Variants in ZCWPW2 observed in about 807,000 individuals in gnomAD.
ZCWPW2 encodes the protein zinc finger CW-type PWWP domain protein 2.
ZCWPW2 carries 45 observed loss-of-function variants against 46.6 expected under a neutral mutation model. The observed-to-expected ratio is 0.96, with a 90% CI of 0.76 to 1.24. The LOEUF is 1.24. Among genes scored for constraint, ZCWPW2 ranks in the 50% most tolerant of loss-of-function variants. The pLI, the probability that ZCWPW2 is intolerant of heterozygous loss-of-function variation, is 0.00. For synonymous variants in ZCWPW2, 152 were observed against 137.1 expected (o/e 1.11, Z -0.76); for missense variants, 429 against 403.9 (o/e 1.06, Z -0.53).
intron 4 of ZCWPW2, among the ~76,000 whole-genome samples, chr3:28,464,101 G>T (rs779365284): frequency 1.3e-5 from 2 of 152,060 alleles, no homozygotes; most frequent in Non-Finnish European, 2.9e-5. Context: ...TTTACCTCAT[G>T]TGTAGTACAA....
At chr3:28,388,138 A>C (rs752752421) in intron 1 of ZCWPW2, among the ~76,000 whole-genome samples, 4 of 152,114 alleles carry the variant, frequency 2.6e-5, no homozygotes, top group Non-Finnish European at 5.9e-5. Context: ...TCTTTTATTA[A>C]GGTCTTCAAC....
At chr3:28,483,532 C>T (rs1325109002) in intron 5 of ZCWPW2, among the ~76,000 whole-genome samples, 1 of 152,080 alleles carries the variant, frequency 6.6e-6, no homozygotes, top group African/African-American at 2.4e-5. Context: ...AACTTGCTAG[C>T]ATTTTTATTG....
At chr3:28,371,854 C>A (rs1051023087) in intron 1 of ZCWPW2, among the ~76,000 whole-genome samples, 1 of 151,982 alleles carries the variant, frequency 6.6e-6, no homozygotes, top group Admixed American at 6.6e-5. Flanking sequence ...CTTAGAGGAG[C>A]CTGATTAAAG....
intron 6 of ZCWPW2, chr3:28,510,958 A>G: frequency 2.4e-6 from 1 of 422,948 alleles, no homozygotes; most frequent in South Asian, 1.7e-5. Context: ...CACTAAGGGA[A>G]CCAGATTGAG....
intron 6 of ZCWPW2, among the ~76,000 whole-genome samples, chr3:28,496,476 C>T (rs1231094377): frequency 1.3e-5 from 2 of 151,940 alleles, no homozygotes; most frequent in Non-Finnish European, 2.9e-5. Context: ...AGTTAAGGAA[C>T]TTACTCTAGC....
At chr3:28,466,034 A>G (rs1698808694) in intron 4 of ZCWPW2, among the ~76,000 whole-genome samples, 1 of 152,190 alleles carries the variant, frequency 6.6e-6, no homozygotes, top group South Asian at 2.1e-4. Flanking sequence ...AGCAATATAG[A>G]TGGAGTCAGA....
chr3:28,425,909 AGACCAACCT>A (rs1325050430), intron 3 of ZCWPW2, among the ~76,000 whole-genome samples: 9 of 152,120 alleles, frequency 5.9e-5, no homozygotes, highest in Non-Finnish European at 1.3e-4. Context: ...TGGGAGTTCG[AGACCAACCT>A]GACCAACATG....
At chr3:28,456,130 C>G (rs2125784110) in intron 4 of ZCWPW2, among the ~76,000 whole-genome samples, 1 of 152,196 alleles carries the variant, frequency 6.6e-6, no homozygotes, top group African/African-American at 2.4e-5. Flanking sequence ...GGATGTGTTT[C>G]TATTTGTTTC....
intron 4 of ZCWPW2, among the ~76,000 whole-genome samples, chr3:28,445,444 T>A (rs920280695): frequency 6.6e-6 from 1 of 152,106 alleles, no homozygotes; most frequent in Non-Finnish European, 1.5e-5. Flanking sequence ...GGGAGCAGAA[T>A]TTGTGTATGT....
chr3:28,362,276 A>G (rs957036255), intron 1 of ZCWPW2, among the ~76,000 whole-genome samples: 1 of 151,888 alleles, frequency 6.6e-6, no homozygotes, highest in Non-Finnish European at 1.5e-5. Context: ...CTGTACACTT[A>G]AAATTTTTAA....
chr3:28,473,609 G>C (rs1699119942), intron 4 of ZCWPW2, among the ~76,000 whole-genome samples: 1 of 152,144 alleles, frequency 6.6e-6, no homozygotes, highest in Non-Finnish European at 1.5e-5. Context: ...TGTTCACAGT[G>C]GCCAAGATTT....
rs1043892548 is a variant in ZCWPW2, at chr3:28,453,843, T to A, written c.492+18574T>A. Among the ~76,000 whole-genome samples the A allele has an allele frequency of 2.3e-4, 34 of 148,312 alleles. 1 individual carries two copies. The East Asian group carries it at 3.3e-3, about 14-fold the overall frequency. On this transcript the variant is annotated intron_variant, in intron 4 of 9. Transcript: ENST00000383768. Reference sequence around the variant, plus strand: ...TATTTATTTATTTATTTTTATTTTTTTTATTATTATTTTTTTTTTGAGACG... The same window carrying A: ...TATTTATTTATTTATTTTTATTTTTATTATTATTATTTTTTTTTTGAGACG...
intron 6 of ZCWPW2, among the ~76,000 whole-genome samples, chr3:28,505,038 C>G (rs573472994): frequency 6.6e-6 from 1 of 152,184 alleles, no homozygotes; most frequent in African/African-American, 2.4e-5. Context: ...TCATAGAGCT[C>G]CTTGAAGTTT....
chr3:28,446,141 T>G (rs1288703581), intron 4 of ZCWPW2, among the ~76,000 whole-genome samples: 1 of 151,834 alleles, frequency 6.6e-6, no homozygotes, highest in African/African-American at 2.4e-5. Context: ...AGTAAAGAAA[T>G]AGAGAGCTCA....
intron 3 of ZCWPW2, among the ~76,000 whole-genome samples, chr3:28,413,901 A>G (rs1463345956): frequency 2.6e-5 from 4 of 152,068 alleles, no homozygotes; most frequent in Non-Finnish European, 5.9e-5. Flanking sequence ...CAGTCATTTG[A>G]AAAGCATGTA....
At chr3:28,441,641 G>A (rs889703099) in intron 4 of ZCWPW2, among the ~76,000 whole-genome samples, 13 of 152,238 alleles carry the variant, frequency 8.5e-5, no homozygotes, top group South Asian at 4.1e-4. Context: ...ACTGGAGACC[G>A]TGGGCATTTG....
At chr3:28,411,493 T>TATGACATA (rs1482313269) in intron 2 of ZCWPW2, among the ~76,000 whole-genome samples, 1 of 151,974 alleles carries the variant, frequency 6.6e-6, no homozygotes, top group African/African-American at 2.4e-5. Context: ...CTATCATGGC[T>TATGACATA]TCTAGTCAAT....
intron 1 of ZCWPW2, among the ~76,000 whole-genome samples, chr3:28,365,461 A>C (rs1244845069): frequency 7.1e-6 from 1 of 140,404 alleles, no homozygotes. Flanking sequence ...GGTTGTAGAT[A>C]TGCAGCATTA....
At chr3:28,444,016 A>G (rs1290507722) in intron 4 of ZCWPW2, among the ~76,000 whole-genome samples, 1 of 152,180 alleles carries the variant, frequency 6.6e-6, no homozygotes, top group East Asian at 1.9e-4. Flanking sequence ...CATGTGACCA[A>G]GCAAATAAAC....
Sources: gnomAD v4.1 joint callset for allele counts (sites outside exome capture counted in the v4.1 genomes callset) on GRCh38, gnomAD v4.1.1 for gene constraint, MANE v1.5 for transcripts, NCBI Gene and HGNC (gene_info 2026-07-23, HGNC 2026-07-21) for gene names.